The following MACROD1 variants were observed in gnomAD, a reference collection of about 807,000 sequenced individuals.
The protein encoded by MACROD1 is mono-ADP ribosylhydrolase 1.
In MACROD1, 31 loss-of-function variants were observed where a neutral mutation model predicts 41.4. The observed-to-expected ratio is 0.75, with a 90% confidence interval of 0.56 to 1.01. MACROD1 has a LOEUF of 1.01. Ranked by LOEUF, MACROD1 falls within the 50% of genes least tolerant of loss-of-function variation. The probability of loss-of-function intolerance (pLI) is 0.00; values close to 1 mark genes in which losing one functional copy is unlikely to be tolerated. For synonymous variants in MACROD1, 252 were observed against 203.4 expected, an observed-to-expected ratio of 1.24 and a Z score of -2.03; for missense variants, 473 against 460.0, an observed-to-expected ratio of 1.03 and a Z score of -0.26.
intron 3 of MACROD1, among the ~76,000 whole-genome samples, chr11:64,056,544 G>A (rs549716937): frequency 3.3e-5 from 5 of 152,328 alleles, no homozygotes; most frequent in South Asian, 4.1e-4. Flanking sequence ...GGCAACAGCC[G>A]GGGGCCTGGC....
At position 63,999,640 on chromosome 11, in the gene MACROD1, A is replaced by G. The variant is rs1942783162; in HGVS notation, c.786+2T>C. The G allele has an allele frequency of 6.2e-7, 1 of 1,609,054 alleles. No homozygotes were observed. The highest frequency in any genetic ancestry group is 1.1e-5 in the South Asian group (1 of 90,492). On this transcript the variant is annotated splice_donor_variant, in intron 6 of 10. Coordinates refer to ENST00000255681, the MANE Select transcript of MACROD1 (RefSeq NM_014067.4). LOFTEE classifies it high-confidence loss of function. Reference sequence around the variant, plus strand: ...CGCCCTCCCCCGCGGGCCGTCCCTCACCACCGAGCGGAGCCGGTGCTCCAG... The same window carrying G: ...CGCCCTCCCCCGCGGGCCGTCCCTCGCCACCGAGCGGAGCCGGTGCTCCAG...
chr11:64,156,284 A>G (rs1469247718), intron 1 of MACROD1, among the ~76,000 whole-genome samples: 3 of 152,158 alleles, frequency 2.0e-5, no homozygotes, highest in Non-Finnish European at 2.9e-5. Flanking sequence ...TTGTCTCTAA[A>G]TAAATAATTT....
At position 64,142,864 on chromosome 11, in the gene MACROD1, C is replaced by T. The variant is rs1945433217; in HGVS notation, c.517+8375G>A. Among the ~76,000 whole-genome samples, 4 of 152,102 alleles carry T rather than the reference C, an allele frequency of 2.6e-5. 1 individual carries two copies. In the South Asian group the frequency reaches 8.3e-4, roughly 32 times the overall value. ...GGCATGGTGGCTCACGGCTGTAGTC[C>T]CAGCACTTTGGGAGGCTGAGGCAGG... On this transcript the variant is annotated intron_variant, in intron 3 of 10. Transcript: ENST00000255681.
In MACROD1 at chr11:64,120,694, A is replaced by C. The variant is rs1945083782; in HGVS notation, c.517+30545T>G. The stretch of plus-strand genomic sequence containing the variant: ...GTGAGACTCCATCTCAAAAAAAAAA[A>C]AGTAGGCCCTCCCAGTGGACCATGG... On this transcript the variant is annotated intron_variant, in intron 3 of 10. Transcript: ENST00000255681. The surrounding 1 kb of genome is among the most constrained non-coding windows in gnomAD (Gnocchi z 4.5). Among the ~76,000 whole-genome samples, 1 of 151,950 alleles carries C rather than the reference A, an allele frequency of 6.6e-6. No individual in the cohort carries two copies. The highest frequency in any genetic ancestry group is 2.4e-5 in the African/African-American group (1 of 41,402).
At chr11:64,106,040 C>G (rs1203547392) in intron 3 of MACROD1, among the ~76,000 whole-genome samples, 1 of 152,128 alleles carries the variant, frequency 6.6e-6, no homozygotes, top group Non-Finnish European at 1.5e-5. Flanking sequence ...TGGAGACAGA[C>G]AGGCAGTTGG....
intron 3 of MACROD1, among the ~76,000 whole-genome samples, chr11:64,025,132 C>G (rs1351273910): frequency 6.6e-6 from 1 of 152,140 alleles, no homozygotes; most frequent in Non-Finnish European, 1.5e-5. Context: ...GCACACGACA[C>G]CACACCCATC....
intron 1 of MACROD1, among the ~76,000 whole-genome samples, chr11:64,163,306 A>AT (rs1945785497): frequency 2.0e-5 from 3 of 152,226 alleles, no homozygotes; most frequent in African/African-American, 7.2e-5. Flanking sequence ...CTCAAAAAAA[A>AT]ATTTTTTTAA....
At chr11:64,061,873 CTTTTTT>C (rs57666180) in intron 3 of MACROD1, among the ~76,000 whole-genome samples, 4 of 99,116 alleles carry the variant, frequency 4.0e-5, no homozygotes, top group Non-Finnish European at 7.7e-5. Context: ...ACCACGCTGG[CTTTTTT>C]TTTTTTTTTT....
intron 3 of MACROD1, among the ~76,000 whole-genome samples, chr11:64,099,479 T>C (rs546377553): frequency 6.6e-6 from 1 of 152,016 alleles, no homozygotes; most frequent in Non-Finnish European, 1.5e-5. Context: ...AATGGATGAA[T>C]GGAGAGACGG....
At position 64,036,941 on chromosome 11, in the gene MACROD1, T is replaced by C. The variant is rs890141276; in HGVS notation, c.518-21660A>G. On this transcript the variant is annotated intron_variant, in intron 3 of 10. Coordinates refer to ENST00000255681, the MANE Select transcript of MACROD1 (RefSeq NM_014067.4). The surrounding 1 kb of genome is among the most constrained non-coding windows in gnomAD (Gnocchi z 5.6). ...GTCGCCCAGCTGCAGGGAACCGTGG[T>C]TGATCAGAGCTCCCCGAGGAGGAGA... Among the ~76,000 whole-genome samples the C allele has an allele frequency of 5.9e-5, 9 of 152,216 alleles. No individual in the cohort carries two copies. Among genetic ancestry groups the C allele is most frequent in the African/African-American group, 2.2e-4 (9 of 41,556 alleles).
At chr11:64,110,267 T>G (rs1374670453) in intron 3 of MACROD1, among the ~76,000 whole-genome samples, 1 of 151,724 alleles carries the variant, frequency 6.6e-6, no homozygotes, top group Non-Finnish European at 1.5e-5. Context: ...CTGGGCAACA[T>G]AGCAAAACCC....
chr11:64,038,491 G>A (rs1476887220), intron 3 of MACROD1, among the ~76,000 whole-genome samples: 2 of 152,178 alleles, frequency 1.3e-5, no homozygotes, highest in Non-Finnish European at 2.9e-5. Context: ...GTTGAGGGAC[G>A]GAGAGGTGGG....
chr11:64,152,929 A>G (rs972192563), intron 1 of MACROD1, among the ~76,000 whole-genome samples: 7 of 152,130 alleles, frequency 4.6e-5, no homozygotes, highest in East Asian at 1.9e-4. Flanking sequence ...CCTGTCCCCA[A>G]CATCCCCCCC....
chr11:64,002,665 C>G (rs553116477), intron 4 of MACROD1, among the ~76,000 whole-genome samples: 1 of 152,256 alleles, frequency 6.6e-6, no homozygotes, highest in South Asian at 2.1e-4. Flanking sequence ...CAGAGGGGAA[C>G]CCCCCCACCC....
At chr11:64,151,203 C>T (rs777421885) in intron 3 of MACROD1, 36 bp downstream of exon 3, 6 of 1,557,304 alleles carry the variant, frequency 3.9e-6, no homozygotes, top group Non-Finnish European at 4.4e-6. Context: ...GGCAACAGGG[C>T]GGCCACCAGG....
At chr11:64,056,347 G>A (rs769681473) in intron 3 of MACROD1, among the ~76,000 whole-genome samples, 4 of 152,052 alleles carry the variant, frequency 2.6e-5, no homozygotes, top group South Asian at 4.1e-4. Context: ...GCCACTCCCC[G>A]CCCAGGCTCT....
rs985396871 is a variant in MACROD1, at chr11:64,120,735, A to G, written c.517+30504T>C. On this transcript the variant is annotated intron_variant, in intron 3 of 10. Coordinates refer to ENST00000255681, the MANE Select transcript of MACROD1 (RefSeq NM_014067.4). The surrounding 1 kb of genome is among the most constrained non-coding windows in gnomAD (Gnocchi z 4.5). Reference sequence around the variant, plus strand: ...TGGACCATGGCCCCCCAGCCCCGAGATGAGCAGAAGGGCCCACCTGGGATG... The same window carrying G: ...TGGACCATGGCCCCCCAGCCCCGAGGTGAGCAGAAGGGCCCACCTGGGATG... Among the ~76,000 whole-genome samples the G allele has an allele frequency of 8.6e-5, 13 of 151,438 alleles. No individual in the cohort carries two copies. The highest frequency in any genetic ancestry group is 4.6e-4 in the Admixed American group (7 of 15,246).
intron 4 of MACROD1, among the ~76,000 whole-genome samples, chr11:64,004,367 C>T (rs1024089169): frequency 2.0e-5 from 3 of 152,104 alleles, no homozygotes; most frequent in Admixed American, 6.6e-5. Flanking sequence ...ATGAGTTGGC[C>T]GCTATTTAGG....
chr11:64,164,254 A>G (rs1202493133), intron 1 of MACROD1, among the ~76,000 whole-genome samples: 1 of 152,210 alleles, frequency 6.6e-6, no homozygotes, highest in African/African-American at 2.4e-5. Context: ...CTCGAAGCAA[A>G]AGGGAGACCC....
Sources: gnomAD v4.1 joint callset for allele counts (sites outside exome capture counted in the v4.1 genomes callset) on GRCh38, gnomAD v4.1.1 for gene constraint, Gnocchi (gnomAD v3.1) non-coding constraint, MANE v1.5 for transcripts, NCBI Gene and HGNC (gene_info 2026-07-23, HGNC 2026-07-21) for gene names.